LIMCH1: variants seen among roughly 807,000 people sequenced by gnomAD.
LIMCH1 encodes LIM and calponin homology domains 1, also known as LIM and calponin homology domains-containing protein 1.
LIMCH1 carries 113 observed loss-of-function variants against 176.5 expected under a neutral mutation model. That is an observed-to-expected ratio of 0.64 (90% CI 0.55 to 0.75). LIMCH1 has a LOEUF of 0.75. LIMCH1 is among the 30% of genes least tolerant of loss of function. The pLI is 0.00. For missense variants in LIMCH1, 1,674 were observed against 1,814.9 expected, an observed-to-expected ratio of 0.92 and a Z score of 1.41; for synonymous variants, 619 against 645.9, an observed-to-expected ratio of 0.96 and a Z score of 0.63.
At chr4:41,399,685 C>CTTTTT (rs56174007) in intron 1 of LIMCH1, among the ~76,000 whole-genome samples, 1,580 of 95,676 alleles carry the variant, frequency 0.017, 231 homozygotes, top group African/African-American at 0.063. Context: ...GGTGGATACT[C>CTTTTT]TTTTTTTTTT....
intron 21 of LIMCH1, 106 bp from the exon 22 acceptor site, chr4:41,671,448 T>C (rs1400293366): frequency 1.4e-5 from 10 of 734,682 alleles, no homozygotes; most frequent in Admixed American, 4.9e-5. Flanking sequence ...ACAAAATTGG[T>C]TTAAAGCTGA....
intron 1 of LIMCH1, among the ~76,000 whole-genome samples, chr4:41,592,352 A>C (rs2087764193): frequency 6.6e-6 from 1 of 152,198 alleles, no homozygotes; most frequent in African/African-American, 2.4e-5. Flanking sequence ...ATAAGCAGCT[A>C]CCCTCCAAAT....
At chr4:41,620,727 C>G (rs1238976095) in intron 7 of LIMCH1, 37 bp downstream of exon 7, 1 of 1,502,074 alleles carries the variant, frequency 6.7e-7, no homozygotes, top group South Asian at 1.3e-5. Flanking sequence ...GGCTGGCTTT[C>G]TGCATGCCTG....
chr4:41,612,452 A>G, intron 4 of LIMCH1: 1 of 684,056 alleles, frequency 1.5e-6, no homozygotes. Flanking sequence ...TGCCAGTGTT[A>G]TCCACAGTCC....
chr4:41,565,346 T>TACACACACACACACACACACACAC (rs34056313), intron 1 of LIMCH1, among the ~76,000 whole-genome samples: 1 of 128,586 alleles, frequency 7.8e-6, no homozygotes, highest in African/African-American at 2.9e-5. Flanking sequence ...CTATTTCGGA[T>TACACACACACACACACACACACAC]ACACACACAC....
At chr4:41,407,762 A>G (rs2059117439) in intron 1 of LIMCH1, among the ~76,000 whole-genome samples, 1 of 152,138 alleles carries the variant, frequency 6.6e-6, no homozygotes, top group South Asian at 2.1e-4. Flanking sequence ...TCCCACGTTG[A>G]GGCTTGGAGG....
At chr4:41,388,838 T>G (rs2056845572) in intron 1 of LIMCH1, among the ~76,000 whole-genome samples, 1 of 152,170 alleles carries the variant, frequency 6.6e-6, no homozygotes, top group African/African-American at 2.4e-5. Context: ...AGATGGGGTT[T>G]TGCCATGTTG....
chr4:41,545,045 A>G (rs1407691239), intron 1 of LIMCH1, among the ~76,000 whole-genome samples: 5 of 152,256 alleles, frequency 3.3e-5, no homozygotes, highest in African/African-American at 1.2e-4. Context: ...TCAGTGTCAT[A>G]GGACAGGCTA....
intron 1 of LIMCH1, among the ~76,000 whole-genome samples, chr4:41,483,406 C>T (rs1333101495): frequency 1.3e-5 from 2 of 152,110 alleles, no homozygotes; most frequent in African/African-American, 2.4e-5. Flanking sequence ...GGAGAGTCCA[C>T]GGAGAGATAA....
At chr4:41,404,532 C>G (rs1325002538) in intron 1 of LIMCH1, among the ~76,000 whole-genome samples, 1 of 152,044 alleles carries the variant, frequency 6.6e-6, no homozygotes, top group African/African-American at 2.4e-5. Flanking sequence ...AATCCTAGCA[C>G]TTTGGGAGGC....
At chr4:41,513,989 GA>G (rs2075260360) in intron 2 of LIMCH1, among the ~76,000 whole-genome samples, 1 of 97,652 alleles carries the variant, frequency 1.0e-5, no homozygotes, top group African/African-American at 4.8e-5. Context: ...CTGGGTGATA[GA>G]GAGAGACTCC....
chr4:41,450,305 G>C (rs1162977902), intron 1 of LIMCH1, among the ~76,000 whole-genome samples: 2 of 151,854 alleles, frequency 1.3e-5, no homozygotes, highest in Non-Finnish European at 2.9e-5. Flanking sequence ...GATTTATTGG[G>C]TTTGGGGCCT....
In LIMCH1 at chr4:41,646,808, C is replaced by T. The variant is rs138689621; in HGVS notation, c.2735C>T (p.Thr912Ile). The T allele has an allele frequency of 1.4e-4, 232 of 1,614,090 alleles. No homozygotes were observed. The highest frequency in any genetic ancestry group is 1.8e-4 in the Non-Finnish European group (217 of 1,180,038). ...MSAGSGSPSK[T>I]VTPKAVPMLT... ...GCAGGCAGTGGGTCTCCAAGCAAAA[C>T]TGTCACTCCCAAAGCAGTGCCTATG... The change falls in exon 17 of 32, where the codon ACT (threonine) becomes ATT (isoleucine). Residue 912 changes from threonine to isoleucine, a missense_variant. Thr to Ile is a moderately conservative substitution (Grantham distance 89, BLOSUM62 -1). Transcript: ENST00000503057.
chr4:41,465,521 A>G (rs1047577405), intron 1 of LIMCH1, among the ~76,000 whole-genome samples: 3 of 151,906 alleles, frequency 2.0e-5, no homozygotes, highest in Admixed American at 2.0e-4. Flanking sequence ...CTCCCTGCCC[A>G]TTTTCCTCCA....
intron 1 of LIMCH1, among the ~76,000 whole-genome samples, chr4:41,563,610 G>A (rs1246568978): frequency 4.6e-5 from 7 of 152,070 alleles, no homozygotes; most frequent in African/African-American, 1.7e-4. Flanking sequence ...GAAATTCTGG[G>A]AAACCCAATA....
chr4:41,680,934 G>T (rs755239465), intron 24 of LIMCH1, 21 bp from the exon 25 acceptor site: 8 of 1,322,224 alleles, frequency 6.1e-6, no homozygotes, highest in South Asian at 5.0e-5. Flanking sequence ...CCCTTTCATC[G>T]ATTCCTGTCC....
chr4:41,496,234 T>C (rs1048719574), intron 2 of LIMCH1, among the ~76,000 whole-genome samples: 3 of 152,238 alleles, frequency 2.0e-5, no homozygotes, highest in Admixed American at 1.3e-4. Context: ...AGGCATCCAC[T>C]TCTCCACTAT....
At chr4:41,636,808 T>C (rs2093612269) in intron 13 of LIMCH1, among the ~76,000 whole-genome samples, 1 of 152,244 alleles carries the variant, frequency 6.6e-6, no homozygotes, top group Non-Finnish European at 1.5e-5. Flanking sequence ...ACTCACAAAA[T>C]GTGCTAAAGA....
chr4:41,614,399 A>G (rs1449335704), intron 5 of LIMCH1, among the ~76,000 whole-genome samples: 2 of 152,210 alleles, frequency 1.3e-5, no homozygotes, highest in Non-Finnish European at 2.9e-5. Flanking sequence ...TTGTACTTTT[A>G]GAAGGAAAGA....
Sources: gnomAD v4.1 joint callset for allele counts (sites outside exome capture counted in the v4.1 genomes callset) on GRCh38, gnomAD v4.1.1 for gene constraint, MANE v1.5 for transcripts, NCBI Gene and HGNC (gene_info 2026-07-23, HGNC 2026-07-21) for gene names.